SMARCA2: variants seen among roughly 807,000 people sequenced by gnomAD.
SMARCA2 encodes SWI/SNF related BAF chromatin remodeling complex subunit ATPase 2.
In SMARCA2, 61 loss-of-function variants were observed where a neutral mutation model predicts 199.8. That is an observed-to-expected ratio of 0.31 (90% CI 0.25 to 0.38). SMARCA2 has a LOEUF of 0.38. SMARCA2 is among the 10% of genes least tolerant of loss of function. The probability of loss-of-function intolerance (pLI) is 1.00; values close to 1 mark genes in which losing one functional copy is unlikely to be tolerated. For missense variants in SMARCA2, 1,344 were observed against 2,012.2 expected, an observed-to-expected ratio of 0.67 and a Z score of 6.35; for synonymous variants, 935 against 732.0, an observed-to-expected ratio of 1.28 and a Z score of -4.48.
At chr9:2,068,254 C>T (rs909107701) in intron 9 of SMARCA2, among the ~76,000 whole-genome samples, 1 of 152,182 alleles carries the variant, frequency 6.6e-6, no homozygotes, top group Admixed American at 6.5e-5. Flanking sequence ...CTCTTTGAAG[C>T]TGATCATTTC....
intron 27 of SMARCA2, among the ~76,000 whole-genome samples, chr9:2,147,088 T>C (rs892508353): frequency 6.6e-6 from 1 of 152,130 alleles, no homozygotes; most frequent in Non-Finnish European, 1.5e-5. Flanking sequence ...TTGGAATTGA[T>C]AGACTGAGGA....
At chr9:2,155,720 C>CTT (rs59156319) in intron 27 of SMARCA2, among the ~76,000 whole-genome samples, 576 of 53,196 alleles carry the variant, frequency 0.011, 106 homozygotes, top group East Asian at 0.019. Flanking sequence ...AAGAGAAAAC[C>CTT]TTTTTTTTTT....
Position 2,039,983 on chromosome 9 carries a change from A to C in SMARCA2, c.790+83A>C, listed in dbSNP as rs10964528. On this transcript the variant is annotated intron_variant, in intron 4 of 33. Coordinates refer to ENST00000349721, the MANE Select transcript of SMARCA2 (RefSeq NM_003070.5). This position sits in a 1 kb window ranked among gnomAD's most constrained non-coding sequence, Gnocchi z 4.8. ...TGCTCACCAAAACACCGGGTTGTTA[A>C]AAGCCCGGGGCTGACGTAGCCTTTT... 401,564 of 1,568,344 alleles carry C rather than the reference A, an allele frequency of 0.26. 57,351 individuals are homozygous for C. Among genetic ancestry groups the C allele is most frequent in the African/African-American group, 0.55 (40,856 of 74,222 alleles).
At chr9:2,038,253 G>A (rs1819419323) in intron 3 of SMARCA2, among the ~76,000 whole-genome samples, 1 of 152,154 alleles carries the variant, frequency 6.6e-6, no homozygotes, top group African/African-American at 2.4e-5. Context: ...TTTACTCTCT[G>A]AGCCTCATTT....
Position 2,089,067 on chromosome 9 carries a change from G to A in SMARCA2, c.2883+454G>A, listed in dbSNP as rs117755330. Among the ~76,000 whole-genome samples the A allele has an allele frequency of 2.2e-3, 342 of 152,178 alleles. 10 individuals carry two copies. In the East Asian group the frequency reaches 0.058, roughly 26 times the overall value. On this transcript the variant is annotated intron_variant, in intron 19 of 33. Transcript: ENST00000349721. Reference sequence around the variant, plus strand: ...TTGATGTTTGTGATGTCACCATTCTGACAGTAAGTGAAAAAACAGAGTTCC... The same window carrying A: ...TTGATGTTTGTGATGTCACCATTCTAACAGTAAGTGAAAAAACAGAGTTCC...
chr9:2,024,862 C>T (rs977643476), intron 1 of SMARCA2, among the ~76,000 whole-genome samples: 2 of 152,108 alleles, frequency 1.3e-5, no homozygotes, highest in South Asian at 2.1e-4. Flanking sequence ...TTTTCAATGG[C>T]GTTGTGGCAA....
intron 21 of SMARCA2, among the ~76,000 whole-genome samples, chr9:2,101,177 C>T (rs1822497552): frequency 6.6e-6 from 1 of 152,026 alleles, no homozygotes; most frequent in African/African-American, 2.4e-5. Context: ...TTTATATATA[C>T]ATATTAATTC....
At chr9:2,181,474 A>ATAATT (rs1206358371) in intron 29 of SMARCA2, 97 bp from the exon 30 acceptor site, 1 of 713,200 alleles carries the variant, frequency 1.4e-6, no homozygotes, top group African/African-American at 1.8e-5. Flanking sequence ...TGCGTGGAAT[A>ATAATT]TAATTTACTT....
intron 14 of SMARCA2, among the ~76,000 whole-genome samples, chr9:2,081,086 T>A (rs1234729428): frequency 6.6e-6 from 1 of 152,234 alleles, no homozygotes; most frequent in Non-Finnish European, 1.5e-5. Context: ...ATATAATTGA[T>A]CCTATCATTT....
At chr9:2,038,179 C>G (rs767624890) in intron 3 of SMARCA2, among the ~76,000 whole-genome samples, 36 of 152,174 alleles carry the variant, frequency 2.4e-4, no homozygotes, top group Non-Finnish European at 2.9e-5. Context: ...GCATTAGAAT[C>G]AGACAGACCT....
chr9:2,088,158 A>C lies in SMARCA2; in HGVS notation c.2770-342A>C, dbSNP rs542656495. On this transcript the variant is annotated intron_variant, in intron 18 of 33. Coordinates refer to ENST00000349721, the MANE Select transcript of SMARCA2 (RefSeq NM_003070.5). ...ATAGGGAACATATTAACTGTTGCCC[A>C]CCTTCTCCCATTCTATCTCAGTCTT... 1.6e-4 allele frequency among the ~76,000 whole-genome samples: 24 copies of C among 152,334 alleles called. No individual in the cohort carries two copies. The South Asian group carries it at 4.8e-3, about 30-fold the overall frequency.
chr9:2,167,712 T>C (rs1826004925), intron 28 of SMARCA2, among the ~76,000 whole-genome samples: 1 of 152,242 alleles, frequency 6.6e-6, no homozygotes, highest in South Asian at 2.1e-4. Context: ...GTCCTGAATT[T>C]TTAGTTCTCA....
chr9:2,170,267 G>C lies in SMARCA2; in HGVS notation c.4200-152G>C. 1.2e-6 allele frequency: 1 copy of C among 864,110 alleles called. No homozygotes were observed. Among genetic ancestry groups the C allele is most frequent in the South Asian group, 2.0e-5 (1 of 50,848 alleles). The allele number at this position is 864,110 out of a possible 1,614,324, so 53.5% of individuals were successfully genotyped here. On this transcript the variant is annotated intron_variant, in intron 28 of 33. Coordinates refer to ENST00000349721, the MANE Select transcript of SMARCA2 (RefSeq NM_003070.5). This position sits in a 1 kb window ranked among gnomAD's most constrained non-coding sequence, Gnocchi z 4.7. ...AGAACTATGTTATTTTTCCGAATGA[G>C]GTTCCAAACATAACCCCGTGTAATC...
At chr9:2,136,373 A>G (rs1319915976) in intron 27 of SMARCA2, among the ~76,000 whole-genome samples, 1 of 151,796 alleles carries the variant, frequency 6.6e-6, no homozygotes, top group East Asian at 1.9e-4. Flanking sequence ...TTATTGGTAG[A>G]GACGGGGTTT....
At chr9:2,116,121 C>A in intron 25 of SMARCA2, 72 bp downstream of exon 25, 1 of 1,197,330 alleles carries the variant, frequency 8.4e-7, no homozygotes, top group South Asian at 1.3e-5. Flanking sequence ...AGAATAATCC[C>A]TTTGTTTAAA....
chr9:2,049,834 G>A (rs773789523), intron 5 of SMARCA2, among the ~76,000 whole-genome samples: 3 of 152,184 alleles, frequency 2.0e-5, no homozygotes, highest in Non-Finnish European at 4.4e-5. Context: ...GACCCTTTGT[G>A]ACAGAATGGC....
intron 27 of SMARCA2, among the ~76,000 whole-genome samples, chr9:2,153,827 T>A (rs80103014): frequency 0.019 from 2,903 of 149,944 alleles, 76 homozygotes; most frequent in African/African-American, 0.065. Context: ...TGTGTGTGTG[T>A]GAGAGAGAGA....
intron 4 of SMARCA2, chr9:2,041,591 G>A: frequency 2.5e-6 from 1 of 393,256 alleles, no homozygotes; most frequent in Non-Finnish European, 4.5e-6. Context: ...TGAATTTTGA[G>A]GGGACCATAA....
At chr9:2,058,057 G>A (rs947925912) in intron 7 of SMARCA2, 3 of 402,192 alleles carry the variant, frequency 7.5e-6, no homozygotes, top group Non-Finnish European at 1.4e-5. Context: ...AGGCTAAGGA[G>A]GCTTCTCTTG....
Sources: gnomAD v4.1 joint callset for allele counts (sites outside exome capture counted in the v4.1 genomes callset) on GRCh38, gnomAD v4.1.1 for gene constraint, Gnocchi (gnomAD v3.1) non-coding constraint, MANE v1.5 for transcripts, NCBI Gene and HGNC (gene_info 2026-07-23, HGNC 2026-07-21) for gene names.